The following RB1CC1 variants were observed in gnomAD, a reference collection of about 807,000 sequenced individuals.
The protein encoded by RB1CC1 is RB1 inducible coiled-coil 1.
In RB1CC1, 46 loss-of-function variants were observed where a neutral mutation model predicts 177.5. The observed-to-expected ratio is 0.26, with a 90% CI of 0.20 to 0.33. The LOEUF (loss-of-function observed/expected upper bound fraction) is 0.33, where lower values mean the gene tolerates loss of function less well. Ranked by LOEUF, RB1CC1 falls within the 10% of genes least tolerant of loss-of-function variation. The pLI is 1.00. For missense variants in RB1CC1, 1,703 were observed against 1,816.3 expected (o/e 0.94, Z 1.13); for synonymous variants, 666 against 613.6 (o/e 1.09, Z -1.26).
chr8:52,685,335 A>G (rs1057258546), intron 3 of RB1CC1, 64 bp downstream of exon 3: 2 of 1,233,190 alleles, frequency 1.6e-6, no homozygotes, highest in Non-Finnish European at 2.3e-6. Flanking sequence ...CAGTAGAATA[A>G]TATTTCTTTA....
chr8:52,704,363 C>T (rs748570505), intron 1 of RB1CC1, among the ~76,000 whole-genome samples: 6 of 151,316 alleles, frequency 4.0e-5, no homozygotes, highest in African/African-American at 7.3e-5. Context: ...ACATTACCTG[C>T]CTTCCAAAAA....
chr8:52,691,223 T>C (rs1854827387), intron 1 of RB1CC1, among the ~76,000 whole-genome samples: 1 of 152,172 alleles, frequency 6.6e-6, no homozygotes, highest in Non-Finnish European at 1.5e-5. Flanking sequence ...ATCAGAAGCT[T>C]TAGAAATCGT....
chr8:52,686,767 T>C (rs1480027243), intron 2 of RB1CC1, 86 bp downstream of exon 2: 4 of 321,708 alleles, frequency 1.2e-5, no homozygotes, highest in Non-Finnish European at 1.2e-5. Context: ...AAAAAGCAAA[T>C]AAGGTTTTAA....
rs753024654 is a variant in RB1CC1 at position 52,657,741 on chromosome 8, A to T, written c.2088T>A (p.Asp696Glu). The change falls in exon 15 of 24, where the codon GAT (aspartate) becomes GAA (glutamate). Residue 696 changes from aspartate (D) to glutamate (E), a missense_variant. Physicochemically the swap from Asp to Glu is conservative, Grantham distance 45 (BLOSUM62 2). Transcript: ENST00000025008. ...TAGTTTCAAAATCAAACGTATGTGCATCAATACTATCTGGAGATAATTCTT... is the reference window on the plus strand; with the variant it reads ...TAGTTTCAAAATCAAACGTATGTGCTTCAATACTATCTGGAGATAATTCTT... ...PLEELSPDSI[D>E]AHTFDFETIP... is the part of the protein sequence containing the mutation. The T allele has an allele frequency of 6.2e-7, 1 of 1,613,978 alleles. No individual in the cohort carries two copies. The highest frequency in any genetic ancestry group is 1.3e-5 in the African/African-American group (1 of 74,924).
intron 1 of RB1CC1, among the ~76,000 whole-genome samples, chr8:52,692,465 G>A (rs1854964089): frequency 1.3e-5 from 2 of 152,128 alleles, no homozygotes; most frequent in Admixed American, 1.3e-4. Flanking sequence ...ACATGAGTAA[G>A]AACTGTATGA....
At chr8:52,666,179 A>AT (rs1464323095) in intron 8 of RB1CC1, among the ~76,000 whole-genome samples, 2 of 152,162 alleles carry the variant, frequency 1.3e-5, no homozygotes, top group Non-Finnish European at 2.9e-5. Flanking sequence ...ATTAAAAAAA[A>AT]AATCAGGTAC....
chr8:52,661,813 C>T (rs1455634263), intron 8 of RB1CC1, 94 bp from the exon 9 acceptor site: 4 of 932,156 alleles, frequency 4.3e-6, no homozygotes, highest in Admixed American at 6.9e-5. Flanking sequence ...TTAAACACAA[C>T]CCGTTTTGTG....
intron 1 of RB1CC1, among the ~76,000 whole-genome samples, chr8:52,700,182 G>A (rs1388008826): frequency 6.6e-6 from 1 of 151,924 alleles, no homozygotes; most frequent in African/African-American, 2.4e-5. Context: ...ACACTCTGAA[G>A]GCAGTCTTTC....
intron 1 of RB1CC1, among the ~76,000 whole-genome samples, chr8:52,692,416 T>C (rs905952011): frequency 3.9e-5 from 6 of 152,142 alleles, no homozygotes; most frequent in Non-Finnish European, 8.8e-5. Flanking sequence ...TTAGAGATAA[T>C]GATACTGTTG....
chr8:52,627,648 G>C (rs1442405383), intron 22 of RB1CC1, among the ~76,000 whole-genome samples: 5 of 152,144 alleles, frequency 3.3e-5, no homozygotes. Context: ...ATATAGGATA[G>C]ACTAGACATT....
intron 15 of RB1CC1, among the ~76,000 whole-genome samples, chr8:52,649,109 G>A (rs1261797326): frequency 6.6e-6 from 1 of 152,130 alleles, no homozygotes; most frequent in South Asian, 2.1e-4. Context: ...AACCATAAGA[G>A]CGAAATCACA....
At position 52,656,957 on chromosome 8, in the gene RB1CC1, C is replaced by A. The variant is rs370696659; in HGVS notation, c.2872G>T (p.Val958Leu). 1.4e-5 allele frequency: 23 copies of A among 1,613,512 alleles called. No individual in the cohort carries two copies. The highest frequency in any genetic ancestry group is 1.9e-5 in the Non-Finnish European group (23 of 1,179,946). Residue 958 changes from valine (V) to leucine (L), a missense_variant, in exon 15 of 24, where the codon GTG (valine) becomes TTG (leucine). Physicochemically the swap from Val to Leu is conservative, Grantham distance 32. Coordinates refer to ENST00000025008, the MANE Select transcript of RB1CC1 (RefSeq NM_014781.5). The part of the protein sequence containing the change: ...IKELKQSREI[V>L]LEDLKKLHVE... ...TGGAGCTTTTTTAAGTCTTCTAACA[C>A]TATTTCTCGTGACTGCTTCAGTTCT...
At chr8:52,632,261 T>G (rs1271077253) in intron 20 of RB1CC1, among the ~76,000 whole-genome samples, 1 of 152,176 alleles carries the variant, frequency 6.6e-6, no homozygotes, top group Non-Finnish European at 1.5e-5. Context: ...GTGAGCCCAA[T>G]GCATGGTTGC....
intron 20 of RB1CC1, among the ~76,000 whole-genome samples, chr8:52,634,295 C>T (rs919118283): frequency 2.6e-5 from 4 of 152,014 alleles, no homozygotes; most frequent in African/African-American, 7.2e-5. Context: ...GTCCAAGGTG[C>T]GCAGATCACC....
intron 18 of RB1CC1, among the ~76,000 whole-genome samples, chr8:52,638,093 T>TA (rs1035581887): frequency 2.0e-5 from 3 of 152,204 alleles, no homozygotes; most frequent in African/African-American, 7.2e-5. Flanking sequence ...CATTCAGTCT[T>TA]ACACCATTGA....
chr8:52,655,895 C>T (rs1261383349), intron 15 of RB1CC1, 113 bp downstream of exon 15: 3 of 783,856 alleles, frequency 3.8e-6, no homozygotes, highest in Non-Finnish European at 5.8e-6. Flanking sequence ...CATGAAAATA[C>T]CCTAGTTGCT....
At chr8:52,685,358 C>T in intron 3 of RB1CC1, 41 bp downstream of exon 3, 1 of 1,396,824 alleles carries the variant, frequency 7.2e-7, no homozygotes. Flanking sequence ...TTTCTGCATG[C>T]AGACAGAATG....
At chr8:52,665,348 A>C (rs976319821) in intron 8 of RB1CC1, among the ~76,000 whole-genome samples, 1 of 152,208 alleles carries the variant, frequency 6.6e-6, no homozygotes, top group Non-Finnish European at 1.5e-5. Context: ...CTTCTTACTT[A>C]CTGGAAGTGT....
chr8:52,660,510 G>A, intron 12 of RB1CC1, 86 bp downstream of exon 12: 2 of 1,247,652 alleles, frequency 1.6e-6, no homozygotes, highest in Middle Eastern at 4.0e-4. Context: ...AACAATTTCT[G>A]CAAGTTTCTG....
Sources: gnomAD v4.1 joint callset for allele counts (sites outside exome capture counted in the v4.1 genomes callset) on GRCh38, gnomAD v4.1.1 for gene constraint, MANE v1.5 for transcripts, NCBI Gene and HGNC (gene_info 2026-07-23, HGNC 2026-07-21) for gene names.